The following FAM133B variants were observed in gnomAD, a reference collection of about 807,000 sequenced individuals.
The protein encoded by FAM133B is protein FAM133B.
A neutral mutation model predicts 46.4 loss-of-function variants in FAM133B; 25 were observed. That is an observed-to-expected ratio of 0.54 (90% confidence interval 0.39 to 0.75). FAM133B has a LOEUF of 0.75. Ranked by LOEUF, FAM133B falls within the 30% of genes least tolerant of loss-of-function variation. The probability of loss-of-function intolerance (pLI) is 0.00; values close to 1 mark genes in which losing one functional copy is unlikely to be tolerated. For synonymous variants in FAM133B, 75 were observed against 86.0 expected, an observed-to-expected ratio of 0.87 and a Z score of 0.71; for missense variants, 205 against 277.6, an observed-to-expected ratio of 0.74 and a Z score of 1.86.
chr7:92,562,917 A>C (rs1457912124), intron 10 of FAM133B, among the ~76,000 whole-genome samples: 1 of 152,220 alleles, frequency 6.6e-6, no homozygotes, highest in Non-Finnish European at 1.5e-5. Context: ...TGTATAGTTA[A>C]AAAGTCTACT....
chr7:92,576,912 T>C lies in FAM133B; in HGVS notation c.465+191A>G, dbSNP rs184699447. ...CCATGGAAATGTGGAGACATGGAGATATATATATATGAAAGCACTTGAATT... is the reference window on the plus strand; with the variant it reads ...CCATGGAAATGTGGAGACATGGAGACATATATATATGAAAGCACTTGAATT... On this transcript the variant is annotated intron_variant, in intron 7 of 10. Transcript: ENST00000445716. 1.1e-4 allele frequency among the ~76,000 whole-genome samples: 17 copies of C among 152,266 alleles called. No individual in the cohort carries two copies. The East Asian group carries it at 2.9e-3, about 26-fold the overall frequency.
chr7:92,590,166 G>A (rs1295025361), intron 1 of FAM133B, 102 bp downstream of exon 1: 12 of 1,583,114 alleles, frequency 7.6e-6, no homozygotes, highest in Admixed American at 1.7e-5. Context: ...CACGTCTGAG[G>A]GCTGCCGCTT....
chr7:92,590,162 T>G, intron 1 of FAM133B, 106 bp downstream of exon 1: 5 of 1,572,662 alleles, frequency 3.2e-6, no homozygotes, highest in Non-Finnish European at 4.4e-6. Context: ...GCCCCACGTC[T>G]GAGGGCTGCC....
rs957467424 is a variant in FAM133B, at chr7:92,566,027, C to T, written c.644G>A (p.Arg215Gln). 1.3e-5 allele frequency: 21 copies of T among 1,613,606 alleles called. No homozygotes were observed. The highest frequency in any genetic ancestry group is 1.6e-4 in the Middle Eastern group (1 of 6,084). ...AGAGATACTTGCTGTTGCTTTTTCTCGTTCTTCACTGCTTTTCTTCTTTTT... is the reference window on the plus strand; with the variant it reads ...AGAGATACTTGCTGTTGCTTTTTCTTGTTCTTCACTGCTTTTCTTCTTTTT... ...RAKKKKSSEE[R>Q]EKATEKTKKK... The change falls in exon 10 of 11, where the codon CGA (arginine) becomes CAA (glutamine). Residue 215 changes from arginine to glutamine, a missense_variant. Physicochemically the swap from Arg to Gln is conservative, Grantham distance 43. Coordinates refer to ENST00000445716, the MANE Select transcript of FAM133B (RefSeq NM_152789.4).
chr7:92,563,254 C>T (rs1352707130), intron 10 of FAM133B, among the ~76,000 whole-genome samples: 10 of 152,160 alleles, frequency 6.6e-5, no homozygotes, highest in Admixed American at 6.5e-4. Context: ...AGGCCTCTAC[C>T]ACTCTGTGGC....
rs1418921381 is a variant in FAM133B at position 92,561,196 on chromosome 7, T to C, written c.*1086A>G. 1 of 146,990 alleles carries C rather than the reference T, an allele frequency of 6.8e-6. No homozygotes were observed. Among genetic ancestry groups the C allele is most frequent in the Non-Finnish European group, 1.5e-5 (1 of 66,970 alleles). The allele number at this position is 146,990 out of a possible 1,614,324, so 9.1% of individuals were successfully genotyped here. On this transcript the variant is annotated 3_prime_UTR_variant, in exon 11 of 11. Coordinates refer to ENST00000445716, the MANE Select transcript of FAM133B (RefSeq NM_152789.4). ...GTTATTGTAAGTCTCAGCTTCAATA[T>C]GAAGCCGTTTTTTTTTTTTAATCAA...
intron 8 of FAM133B, among the ~76,000 whole-genome samples, chr7:92,573,208 T>G (rs1338912150): frequency 6.8e-6 from 1 of 147,478 alleles, no homozygotes; most frequent in African/African-American, 2.5e-5. Context: ...TACTCTGTCA[T>G]CCAAGCTGGA....
intron 10 of FAM133B, among the ~76,000 whole-genome samples, chr7:92,563,810 T>G (rs1794229398): frequency 6.6e-6 from 1 of 152,212 alleles, no homozygotes; most frequent in African/African-American, 2.4e-5. Flanking sequence ...ATTCTGCTCT[T>G]TAACTCCAAT....
chr7:92,584,010 A>G (rs1585315681), intron 1 of FAM133B, among the ~76,000 whole-genome samples: 1 of 136,928 alleles, frequency 7.3e-6, no homozygotes, highest in Admixed American at 8.1e-5. Context: ...AGATTGTGCC[A>G]CTTCACTCCA....
chr7:92,566,943 G>C (rs1562888973), intron 9 of FAM133B, among the ~76,000 whole-genome samples: 8 of 152,332 alleles, frequency 5.3e-5, no homozygotes, highest in East Asian at 1.9e-4. Flanking sequence ...GGGGGCAGCG[G>C]CTGGTGCCTG....
Position 92,590,304 on chromosome 7 carries a change from A to G in FAM133B, c.-13T>C, listed in dbSNP as rs1795164758. On this transcript the variant is annotated 5_prime_UTR_variant, in exon 1 of 11. Coordinates refer to ENST00000445716, the MANE Select transcript of FAM133B (RefSeq NM_152789.4). ...CCCGCTTCCCCATGGTGCTGGATCGAGCGCACAGTAGCACGCCGAGGGAAA... is the reference window on the plus strand; with the variant it reads ...CCCGCTTCCCCATGGTGCTGGATCGGGCGCACAGTAGCACGCCGAGGGAAA... 1 of 1,613,704 alleles carries G rather than the reference A, an allele frequency of 6.2e-7. No individual in the cohort carries two copies. The highest frequency in any genetic ancestry group is 2.2e-5 in the East Asian group (1 of 44,842).
At chr7:92,572,445 C>T (rs762196502) in intron 8 of FAM133B, among the ~76,000 whole-genome samples, 9 of 152,138 alleles carry the variant, frequency 5.9e-5, no homozygotes, top group Non-Finnish European at 1.3e-4. Context: ...ACTGGCTGGG[C>T]GCGGTGGCTC....
intron 2 of FAM133B, among the ~76,000 whole-genome samples, chr7:92,580,560 G>T (rs1185303051): frequency 6.6e-6 from 1 of 152,210 alleles, no homozygotes; most frequent in African/African-American, 2.4e-5. Context: ...TCCCACTAGG[G>T]GAGGACCCTT....
intron 8 of FAM133B, among the ~76,000 whole-genome samples, chr7:92,573,671 T>A (rs914367843): frequency 4.0e-5 from 6 of 151,880 alleles, no homozygotes; most frequent in South Asian, 2.1e-4. Context: ...TTTTTTTTTT[T>A]AAATATGAGG....
chr7:92,590,171 C>G, intron 1 of FAM133B, 97 bp downstream of exon 1: 1 of 1,590,018 alleles, frequency 6.3e-7, no homozygotes, highest in Non-Finnish European at 8.6e-7. Context: ...CTGAGGGCTG[C>G]CGCTTGCCCT....
chr7:92,564,878 G>A (rs957567131), intron 10 of FAM133B, among the ~76,000 whole-genome samples: 15 of 151,926 alleles, frequency 9.9e-5, no homozygotes, highest in Non-Finnish European at 1.3e-4. Context: ...TCCTTAATTC[G>A]CCTCTTCTTT....
Position 92,578,378 on chromosome 7 carries a change from G to C in FAM133B, c.217C>G (p.Leu73Val), listed in dbSNP as rs1450104421. ...EKMNENWKKE[L>V]EKHREKLLSG... ...AACAATTTCTCCCTGTGTTTTTCCA[G>C]TTCTTTCTTCCAGTTCTGCAAAAAG... The change falls in exon 4 of 11, where the codon CTG (leucine) becomes GTG (valine). Residue 73 changes from leucine (L) to valine (V), a missense_variant. Coordinates refer to ENST00000445716, the MANE Select transcript of FAM133B (RefSeq NM_152789.4). The C allele has an allele frequency of 6.2e-7, 1 of 1,613,090 alleles. No homozygotes were observed. The highest frequency in any genetic ancestry group is 8.5e-7 in the Non-Finnish European group (1 of 1,179,558).
chr7:92,577,613 T>G, intron 6 of FAM133B, 42 bp downstream of exon 6: 1 of 1,474,132 alleles, frequency 6.8e-7, no homozygotes, highest in Non-Finnish European at 9.1e-7. Flanking sequence ...ATTAAAGAAA[T>G]TAAGAGATAT....
At chr7:92,585,396 C>G (rs1319683545) in intron 1 of FAM133B, 4 of 979,540 alleles carry the variant, frequency 4.1e-6, no homozygotes. Context: ...TTTGGCAGTA[C>G]CTAATGGCAA....
Sources: gnomAD v4.1 joint callset for allele counts (sites outside exome capture counted in the v4.1 genomes callset) on GRCh38, gnomAD v4.1.1 for gene constraint, MANE v1.5 for transcripts, NCBI Gene and HGNC (gene_info 2026-07-23, HGNC 2026-07-21) for gene names.